The following RPTOR variants were observed in gnomAD, a reference collection of about 807,000 sequenced individuals.
RPTOR encodes the protein regulatory-associated protein of mTOR.
Under a neutral mutation model 169.9 loss-of-function variants are expected in RPTOR, and 21 were observed. The ratio of observed to expected loss-of-function variants is 0.12; its 90% CI spans 0.09 to 0.18. RPTOR has a LOEUF of 0.18. Ranked by LOEUF, RPTOR falls within the 10% of genes least tolerant of loss-of-function variation. The probability of loss-of-function intolerance (pLI) is 1.00; values close to 1 mark genes in which losing one functional copy is unlikely to be tolerated. For missense variants in RPTOR, 1,133 were observed against 1,855.9 expected, an observed-to-expected ratio of 0.61 and a Z score of 7.16; for synonymous variants, 732 against 753.2, an observed-to-expected ratio of 0.97 and a Z score of 0.46.
At chr17:80,655,923 CCCT>C (rs2065676063) in intron 3 of RPTOR, among the ~76,000 whole-genome samples, 1 of 151,942 alleles carries the variant, frequency 6.6e-6, no homozygotes, top group African/African-American at 2.4e-5. Flanking sequence ...GTGGATCTGC[CCCT>C]CCTCCACTCA....
chr17:80,686,354 T>C (rs1400737313), intron 3 of RPTOR, among the ~76,000 whole-genome samples: 1 of 142,672 alleles, frequency 7.0e-6, no homozygotes, highest in Non-Finnish European at 1.5e-5. Context: ...GCCTGGCTAA[T>C]TTTTTTATTT....
intron 6 of RPTOR, among the ~76,000 whole-genome samples, chr17:80,783,374 T>A (rs1245575641): frequency 6.6e-6 from 1 of 152,272 alleles, no homozygotes; most frequent in East Asian, 1.9e-4. Flanking sequence ...ATATATTAAA[T>A]CACCTACATT....
rs931637288 is a variant in RPTOR at position 80,738,183 on chromosome 17, G to A, written c.654+7477G>A. On this transcript the variant is annotated intron_variant, in intron 5 of 33. Coordinates refer to ENST00000306801, the MANE Select transcript of RPTOR (RefSeq NM_020761.3). ...GCAGCCCCAGGGGGAGCAGGCAGCAGGAGATGCCCAGCCCGGCCCCGTGTA... is the reference window on the plus strand; with the variant it reads ...GCAGCCCCAGGGGGAGCAGGCAGCAAGAGATGCCCAGCCCGGCCCCGTGTA... Among the ~76,000 whole-genome samples the A allele has an allele frequency of 3.9e-5, 6 of 152,246 alleles. No individual in the cohort carries two copies. In the South Asian group the frequency reaches 1.0e-3, roughly 26 times the overall value.
intron 11 of RPTOR, among the ~76,000 whole-genome samples, chr17:80,852,718 C>T (rs2067806472): frequency 6.6e-6 from 1 of 151,996 alleles, no homozygotes; most frequent in Admixed American, 6.5e-5. Context: ...TTCCCTGTCC[C>T]CCTCATCCTC....
intron 1 of RPTOR, among the ~76,000 whole-genome samples, chr17:80,612,497 T>C (rs1241306771): frequency 1.3e-5 from 2 of 152,252 alleles, no homozygotes; most frequent in African/African-American, 2.4e-5. Flanking sequence ...AAATTCTGTG[T>C]TGTAAATCTG....
chr17:80,743,534 G>T, intron 5 of RPTOR: 1 of 828,730 alleles, frequency 1.2e-6, no homozygotes, highest in Non-Finnish European at 1.5e-6. Flanking sequence ...TCTGAAAGAG[G>T]TCATCAGTTC....
intron 1 of RPTOR, among the ~76,000 whole-genome samples, chr17:80,548,651 G>A (rs1381668294): frequency 1.3e-5 from 2 of 152,064 alleles, no homozygotes; most frequent in Non-Finnish European, 2.9e-5. Flanking sequence ...GGGATTACAG[G>A]TGTGAGCCAC....
intron 1 of RPTOR, among the ~76,000 whole-genome samples, chr17:80,601,483 A>G (rs1319126405): frequency 2.7e-5 from 4 of 150,654 alleles, no homozygotes; most frequent in Non-Finnish European, 4.4e-5. Flanking sequence ...CATCCCACAC[A>G]TCCCAGCCTT....
intron 7 of RPTOR, among the ~76,000 whole-genome samples, chr17:80,819,094 C>T (rs1402564361): frequency 6.6e-6 from 1 of 152,144 alleles, no homozygotes; most frequent in Non-Finnish European, 1.5e-5. Flanking sequence ...TTGTGATGGT[C>T]CCTGCACTTC....
At chr17:80,791,358 C>A in intron 6 of RPTOR, 92 bp from the exon 7 acceptor site, 1 of 1,095,256 alleles carries the variant, frequency 9.1e-7, no homozygotes, top group South Asian at 1.4e-5. Flanking sequence ...TCCCTGTCCC[C>A]ACCTTTAACT....
At chr17:80,773,168 C>T (rs888246091) in intron 6 of RPTOR, among the ~76,000 whole-genome samples, 2 of 152,192 alleles carry the variant, frequency 1.3e-5, no homozygotes, top group African/African-American at 2.4e-5. Context: ...CAGGGCTGCC[C>T]GGGAGCGGCA....
At chr17:80,704,308 C>T (rs2066126106) in intron 3 of RPTOR, among the ~76,000 whole-genome samples, 1 of 152,178 alleles carries the variant, frequency 6.6e-6, no homozygotes, top group Non-Finnish European at 1.5e-5. Context: ...TTATCAGCTG[C>T]CCTTGGTGTG....
intron 2 of RPTOR, among the ~76,000 whole-genome samples, chr17:80,637,090 G>A (rs988395282): frequency 2.0e-5 from 3 of 152,218 alleles, no homozygotes; most frequent in African/African-American, 7.2e-5. Flanking sequence ...TCATTTTTGG[G>A]CAGGGTGGGG....
rs138801740 is a variant in RPTOR at position 80,756,764 on chromosome 17, A to G, written c.830+2579A>G. ...GATAGATCCCAGTTACCCTGATTTG[A>G]TCATTACGCATTGTATGCACGGATC... is the stretch of plus-strand genomic sequence containing the variant. On this transcript the variant is annotated intron_variant, in intron 6 of 33. Transcript: ENST00000306801. Among the ~76,000 whole-genome samples, 206 of 152,324 alleles carry G rather than the reference A, an allele frequency of 1.4e-3. 1 individual carries two copies. The highest frequency in any genetic ancestry group is 4.7e-3 in the African/African-American group (196 of 41,564).
intron 13 of RPTOR, among the ~76,000 whole-genome samples, chr17:80,868,364 C>CTG (rs2068015983): frequency 1.3e-5 from 2 of 152,174 alleles, no homozygotes; most frequent in Non-Finnish European, 2.9e-5. Flanking sequence ...GAAATGCAAA[C>CTG]TGCACCCACA....
chr17:80,666,412 G>T (rs1021720530), intron 3 of RPTOR, among the ~76,000 whole-genome samples: 13 of 152,160 alleles, frequency 8.5e-5, no homozygotes, highest in African/African-American at 3.1e-4. Context: ...TGACCCTGAA[G>T]AGTTAGGTCC....
chr17:80,719,382 A>G (rs2066266299), intron 4 of RPTOR, among the ~76,000 whole-genome samples: 1 of 152,218 alleles, frequency 6.6e-6, no homozygotes, highest in Admixed American at 6.5e-5. Flanking sequence ...AGTCCTGTTC[A>G]AAATAAGCAG....
intron 20 of RPTOR, among the ~76,000 whole-genome samples, chr17:80,903,215 G>T (rs963910674): frequency 6.6e-6 from 1 of 152,244 alleles, no homozygotes; most frequent in South Asian, 2.1e-4. Context: ...GGAGCTGGGG[G>T]CCCTGGCCAG....
At chr17:80,734,581 T>C (rs941406642) in intron 5 of RPTOR, among the ~76,000 whole-genome samples, 5 of 152,220 alleles carry the variant, frequency 3.3e-5, no homozygotes, top group Admixed American at 2.0e-4. Flanking sequence ...ATGATGACTT[T>C]TCAGCAGTGC....
Sources: allele counts gnomAD v4.1 joint callset (sites outside exome capture counted in the v4.1 genomes callset), GRCh38; gene constraint gnomAD v4.1.1; transcripts MANE v1.5; gene names NCBI Gene and HGNC (gene_info 2026-07-23, HGNC 2026-07-21).